CPED1: variants seen among roughly 807,000 people sequenced by gnomAD.
The protein encoded by CPED1 is cadherin-like and PC-esterase domain-containing protein 1.
In CPED1, 114 loss-of-function variants were observed where a neutral mutation model predicts 128.2. The observed-to-expected ratio is 0.89, with a 90% confidence interval of 0.76 to 1.04. The LOEUF is 1.04. CPED1 is among the 50% of genes least tolerant of loss of function. CPED1 has a pLI of 0.00. For missense variants in CPED1, 1,211 were observed against 1,207.1 expected, an observed-to-expected ratio of 1.00 and a Z score of -0.05; for synonymous variants, 462 against 426.7, an observed-to-expected ratio of 1.08 and a Z score of -1.02.
chr7:121,179,630 A>C (rs1343726754), intron 16 of CPED1, among the ~76,000 whole-genome samples: 2 of 152,046 alleles, frequency 1.3e-5, no homozygotes, highest in Non-Finnish European at 2.9e-5. Flanking sequence ...TATTGTTTAC[A>C]TGAATTGAAA....
At chr7:121,102,019 T>C (rs1331749902) in intron 7 of CPED1, among the ~76,000 whole-genome samples, 1 of 152,204 alleles carries the variant, frequency 6.6e-6, no homozygotes, top group African/African-American at 2.4e-5. Flanking sequence ...TTGTTTCTTG[T>C]ATTTCAGTTA....
At chr7:121,135,197 A>G (rs1171680616) in intron 13 of CPED1, among the ~76,000 whole-genome samples, 1 of 152,054 alleles carries the variant, frequency 6.6e-6, no homozygotes. Context: ...TTCATTCCAA[A>G]GAACATCTGA....
intron 21 of CPED1, among the ~76,000 whole-genome samples, chr7:121,269,484 T>C (rs1159751541): frequency 6.6e-6 from 1 of 152,030 alleles, no homozygotes; most frequent in Non-Finnish European, 1.5e-5. Context: ...TTTGGTAGGA[T>C]GATTTATTTT....
At chr7:121,085,374 A>C (rs1794396655) in intron 5 of CPED1, among the ~76,000 whole-genome samples, 1 of 152,232 alleles carries the variant, frequency 6.6e-6, no homozygotes, top group African/African-American at 2.4e-5. Context: ...TGAATAAGTA[A>C]AAAATAAATT....
At chr7:121,171,895 A>G (rs551681614) in intron 16 of CPED1, among the ~76,000 whole-genome samples, 13 of 152,344 alleles carry the variant, frequency 8.5e-5, no homozygotes, top group African/African-American at 2.6e-4. Context: ...CAAATGGGCA[A>G]TAATGTATTT....
intron 16 of CPED1, among the ~76,000 whole-genome samples, chr7:121,166,389 G>T (rs572525260): frequency 3.3e-5 from 5 of 151,966 alleles, no homozygotes; most frequent in African/African-American, 7.3e-5. Context: ...AAAGACTTTC[G>T]CAAGTTATGA....
Position 121,145,166 on chromosome 7 carries a change from T to G in CPED1, c.2055+3025T>G, listed in dbSNP as rs555022019. ...ATATATATATATAAATTATGTATAC[T>G]GCATATAAATTATACCTCAATAAAT... On this transcript the variant is annotated intron_variant, in intron 16 of 22. Transcript: ENST00000310396. 2.2e-4 allele frequency among the ~76,000 whole-genome samples: 33 copies of G among 152,118 alleles called. 1 individual carries two copies. Among genetic ancestry groups the G allele is most frequent in the African/African-American group, 7.7e-4 (32 of 41,542 alleles).
intron 4 of CPED1, among the ~76,000 whole-genome samples, chr7:121,059,609 C>T (rs1016404398): frequency 5.4e-5 from 7 of 129,788 alleles, no homozygotes; most frequent in Admixed American, 2.7e-4. Context: ...CAGGTGTTCA[C>T]GCTTCCTAAT....
chr7:121,119,368 T>C (rs1001097667), intron 7 of CPED1, among the ~76,000 whole-genome samples: 1 of 151,030 alleles, frequency 6.6e-6, no homozygotes, highest in African/African-American at 2.4e-5. Context: ...GGTTTCACCA[T>C]GTTGGTCAGG....
At chr7:121,214,771 T>G (rs1029815947) in intron 16 of CPED1, among the ~76,000 whole-genome samples, 1 of 152,068 alleles carries the variant, frequency 6.6e-6, no homozygotes, top group Non-Finnish European at 1.5e-5. Flanking sequence ...GCCATAGTAG[T>G]CTGAATGTTC....
At chr7:121,159,565 C>A (rs1368115746) in intron 16 of CPED1, among the ~76,000 whole-genome samples, 3 of 152,114 alleles carry the variant, frequency 2.0e-5, no homozygotes, top group South Asian at 4.1e-4. Context: ...TTTAAATGAA[C>A]CTACCTCTTA....
chr7:121,071,623 C>T (rs2116089577), intron 5 of CPED1, among the ~76,000 whole-genome samples: 1 of 152,070 alleles, frequency 6.6e-6, no homozygotes, highest in Admixed American at 6.6e-5. Flanking sequence ...TCAAATGATC[C>T]TTCTGCCTCC....
chr7:121,084,718 A>G (rs983245388), intron 5 of CPED1, among the ~76,000 whole-genome samples: 1 of 152,256 alleles, frequency 6.6e-6, no homozygotes, highest in Non-Finnish European at 1.5e-5. Flanking sequence ...TCTAGGTTCA[A>G]ATAATTACCA....
rs543452724 is a variant in CPED1, at chr7:121,055,718, T to C, written c.541-8520T>C. On this transcript the variant is annotated intron_variant, in intron 4 of 22. Coordinates refer to ENST00000310396, the MANE Select transcript of CPED1 (RefSeq NM_024913.5). ...ATCACAAGGCCCATAGTCAATACTT[T>C]GTTTTAATGAATGACTTGAGCAGCA... Among the ~76,000 whole-genome samples, 36 of 152,024 alleles carry C rather than the reference T, an allele frequency of 2.4e-4. 1 individual carries two copies. Among genetic ancestry groups the C allele is most frequent in the Middle Eastern group, 6.9e-3 (2 of 290 alleles).
In CPED1 at chr7:121,271,555, GAT is replaced by G. The variant is rs1222730858; in HGVS notation, c.2868+130_2868+131del. The stretch of plus-strand genomic sequence containing the variant: ...AAACAATGTCAGGTGGAGATTAAAT[GAT>G]ATATGTTCATCATCATTCAGCCAAG... On this transcript the variant is annotated intron_variant, in intron 22 of 22. Transcript: ENST00000310396. 1.1e-5 allele frequency: 10 copies of G among 937,200 alleles called. No homozygotes were observed. The African/African-American group carries it at 1.7e-4, about 16-fold the overall frequency. 58.1% of individuals were successfully genotyped at this position (937,200 alleles called of 1,614,324 possible).
At chr7:121,182,283 G>A (rs1796914961) in intron 16 of CPED1, among the ~76,000 whole-genome samples, 1 of 150,168 alleles carries the variant, frequency 6.7e-6, no homozygotes, top group Non-Finnish European at 1.5e-5. Flanking sequence ...TGCCAGAAGA[G>A]TTAGTAGACC....
chr7:121,046,552 CTT>C (rs965654789), intron 3 of CPED1, among the ~76,000 whole-genome samples: 11 of 151,896 alleles, frequency 7.2e-5, no homozygotes, highest in African/African-American at 2.7e-4. Flanking sequence ...CAAAAAAAGA[CTT>C]TATTAATTTT....
At chr7:121,039,304 G>A (rs1298800106) in intron 3 of CPED1, among the ~76,000 whole-genome samples, 2 of 151,936 alleles carry the variant, frequency 1.3e-5, no homozygotes, top group African/African-American at 4.8e-5. Context: ...TGACTTCAGT[G>A]TGTCTTCGAC....
intron 14 of CPED1, among the ~76,000 whole-genome samples, chr7:121,136,589 TA>T: frequency 6.6e-6 from 1 of 152,288 alleles, no homozygotes; most frequent in African/African-American, 2.4e-5. Context: ...GTATTAACTT[TA>T]AAAATGATTT....
Sources: gnomAD v4.1 joint callset for allele counts (sites outside exome capture counted in the v4.1 genomes callset) on GRCh38, gnomAD v4.1.1 for gene constraint, MANE v1.5 for transcripts, NCBI Gene and HGNC (gene_info 2026-07-23, HGNC 2026-07-21) for gene names.